The following DPP6 variants were observed in gnomAD, a reference collection of about 807,000 sequenced individuals.
DPP6 encodes dipeptidyl peptidase like 6, also known as A-type potassium channel modulatory protein DPP6.
Under a neutral mutation model 122.6 loss-of-function variants are expected in DPP6, and 69 were observed. The observed-to-expected ratio is 0.56, with a 90% CI of 0.46 to 0.69. The LOEUF (loss-of-function observed/expected upper bound fraction) is 0.69, where lower values mean the gene tolerates loss of function less well. DPP6 is among the 30% of genes least tolerant of loss of function. DPP6 has a pLI of 0.00. For synonymous variants in DPP6, 418 were observed against 433.1 expected (o/e 0.97, Z 0.43); for missense variants, 928 against 1,116.9 (o/e 0.83, Z 2.41).
At chr7:153,843,934 C>T in the DPP6 span, among the ~76,000 whole-genome samples, 6 of 152,114 alleles carry the variant, frequency 3.9e-5, no homozygotes, top group South Asian at 2.1e-4. Context: ...AGAAGAGCTG[C>T]GGCAAGATGA....
intron 1 of DPP6, among the ~76,000 whole-genome samples, chr7:154,020,111 A>AACAC (rs57752926): frequency 0.046 from 6,985 of 150,702 alleles, 176 homozygotes; most frequent in South Asian, 0.12. Context: ...CACACACACA[A>AACAC]ACACACACAC....
chr7:154,155,856 G>A (rs1203515208), intron 1 of DPP6, among the ~76,000 whole-genome samples: 4 of 152,170 alleles, frequency 2.6e-5, no homozygotes, highest in African/African-American at 4.8e-5. Flanking sequence ...ACAGAAGGCC[G>A]TGGCTTTAAA....
chr7:154,771,035 G>C (rs1004466564), intron 9 of DPP6, among the ~76,000 whole-genome samples: 1 of 152,206 alleles, frequency 6.6e-6, no homozygotes, highest in African/African-American at 2.4e-5. Context: ...CCTCTGCCAG[G>C]GGGCATTTAA....
intron 1 of DPP6, among the ~76,000 whole-genome samples, chr7:154,405,087 CTATG>C (rs1411882682): frequency 6.6e-6 from 1 of 152,084 alleles, no homozygotes; most frequent in Non-Finnish European, 1.5e-5. Flanking sequence ...GTGTACATTT[CTATG>C]TATGTGAATT....
chr7:154,479,584 A>AAAAAG (rs200690442), intron 3 of DPP6, among the ~76,000 whole-genome samples: 2 of 145,552 alleles, frequency 1.4e-5, no homozygotes, highest in Non-Finnish European at 3.1e-5. Flanking sequence ...AGAAAAGAAA[A>AAAAAG]GAAAAAGAAA....
At chr7:154,166,028 T>C (rs1463886591) in intron 1 of DPP6, among the ~76,000 whole-genome samples, 2 of 152,248 alleles carry the variant, frequency 1.3e-5, no homozygotes, top group Non-Finnish European at 2.9e-5. Context: ...ATTTTTGTTA[T>C]TAAAATTTCT....
intron 10 of DPP6, among the ~76,000 whole-genome samples, chr7:154,791,268 A>G (rs1276054503): frequency 2.0e-5 from 3 of 150,982 alleles, no homozygotes. Flanking sequence ...AAATAAAAAT[A>G]AAAATAAATA....
At chr7:154,138,942 A>C (rs2150656302) in intron 1 of DPP6, among the ~76,000 whole-genome samples, 1 of 152,226 alleles carries the variant, frequency 6.6e-6, no homozygotes, top group East Asian at 1.9e-4. Context: ...CCCATACCCT[A>C]AACACCTCCT....
At chr7:154,843,407 G>A (rs781503190) in intron 16 of DPP6, among the ~76,000 whole-genome samples, 1 of 152,196 alleles carries the variant, frequency 6.6e-6, no homozygotes, top group Non-Finnish European at 1.5e-5. Flanking sequence ...AAGCAATCCC[G>A]TGTTCTCAGC....
chr7:154,210,058 C>T (rs1300802742), intron 1 of DPP6, among the ~76,000 whole-genome samples: 1 of 152,172 alleles, frequency 6.6e-6, no homozygotes, highest in African/African-American at 2.4e-5. Flanking sequence ...AACCTCATTA[C>T]TCTCAATTTT....
At chr7:154,547,751 A>T (rs543302120) in intron 4 of DPP6, among the ~76,000 whole-genome samples, 32 of 151,990 alleles carry the variant, frequency 2.1e-4, no homozygotes, top group African/African-American at 7.0e-4. Flanking sequence ...TGTGTCTCAG[A>T]GGGTCTCTCT....
At chr7:154,434,477 G>A (rs987153512) in intron 1 of DPP6, among the ~76,000 whole-genome samples, 11 of 151,916 alleles carry the variant, frequency 7.2e-5, no homozygotes, top group Non-Finnish European at 1.0e-4. Context: ...CTGGCTTTGG[G>A]GTTGGGATCT....
At chr7:154,205,501 C>T (rs910181639) in intron 1 of DPP6, among the ~76,000 whole-genome samples, 1 of 152,164 alleles carries the variant, frequency 6.6e-6, no homozygotes, top group Non-Finnish European at 1.5e-5. Context: ...TGTATATACA[C>T]TGATATGGTT....
intron 1 of DPP6, among the ~76,000 whole-genome samples, chr7:154,030,832 G>A (rs1799188542): frequency 6.6e-6 from 1 of 152,064 alleles, no homozygotes; most frequent in Non-Finnish European, 1.5e-5. Flanking sequence ...TACCCCTTCT[G>A]GAAGCAGCTG....
intron 1 of DPP6, among the ~76,000 whole-genome samples, chr7:153,987,582 TA>T (rs901911490): frequency 6.6e-6 from 1 of 151,650 alleles, no homozygotes; most frequent in African/African-American, 2.4e-5. Flanking sequence ...CTCAGAAAAC[TA>T]AATGTCAATC....
At chr7:153,996,169 T>C (rs1325418112) in intron 1 of DPP6, among the ~76,000 whole-genome samples, 1 of 152,162 alleles carries the variant, frequency 6.6e-6, no homozygotes, top group Non-Finnish European at 1.5e-5. Context: ...CACTCCACTG[T>C]GATGACACAT....
At chr7:154,177,664 T>C (rs1338317471) in intron 1 of DPP6, among the ~76,000 whole-genome samples, 1 of 152,188 alleles carries the variant, frequency 6.6e-6, no homozygotes, top group Non-Finnish European at 1.5e-5. Flanking sequence ...AAAATAATCA[T>C]CTGTGATATG....
At position 154,574,301 on chromosome 7, in the gene DPP6, ATG is replaced by A. The variant is rs1422151103; in HGVS notation, c.627+7392_627+7393del. ...CTGTGTGTGTGGCGTATGTGTGTGT[ATG>A]TGTGTGGTGTGCTGTGTATGTGTGT... is the stretch of plus-strand genomic sequence containing the variant. On this transcript the variant is annotated intron_variant, in intron 5 of 25. Coordinates refer to ENST00000377770, the MANE Select transcript of DPP6 (RefSeq NM_130797.4). Among the ~76,000 whole-genome samples, 15 of 95,986 alleles carry A rather than the reference ATG, an allele frequency of 1.6e-4. No homozygotes were observed. In the Admixed American group the frequency reaches 1.7e-3, roughly 11 times the overall value. 63.0% of individuals were successfully genotyped at this position (95,986 alleles called of 152,430 possible).
chr7:154,295,183 G>A (rs4075742), intron 1 of DPP6, among the ~76,000 whole-genome samples: 22 of 152,202 alleles, frequency 1.4e-4, no homozygotes, highest in Admixed American at 5.2e-4. Context: ...TCAAACTGTC[G>A]CAGGGTTAGT....
Sources: gnomAD v4.1 joint callset for allele counts (sites outside exome capture counted in the v4.1 genomes callset) on GRCh38, gnomAD v4.1.1 for gene constraint, MANE v1.5 for transcripts, NCBI Gene and HGNC (gene_info 2026-07-23, HGNC 2026-07-21) for gene names.